ETV1: variants seen among roughly 807,000 people sequenced by gnomAD.
ETV1 encodes ETS variant transcription factor 1, also known as ETS translocation variant 1.
Under a neutral mutation model 62.3 loss-of-function variants are expected in ETV1, and 27 were observed. The ratio of observed to expected loss-of-function variants is 0.43; its 90% CI spans 0.32 to 0.60. The LOEUF is 0.60. ETV1 is among the 20% of genes least tolerant of loss of function. ETV1 has a pLI of 0.06. For missense variants in ETV1, 605 were observed against 605.8 expected, an observed-to-expected ratio of 1.00 and a Z score of 0.01; for synonymous variants, 222 against 199.6, an observed-to-expected ratio of 1.11 and a Z score of -0.94.
chr7:13,925,131 G>C (rs751420453), intron 9 of ETV1, among the ~76,000 whole-genome samples: 3 of 151,920 alleles, frequency 2.0e-5, no homozygotes, highest in Non-Finnish European at 4.4e-5. Context: ...TCTTATTTTA[G>C]CTATCTTCCT....
intron 6 of ETV1, among the ~76,000 whole-genome samples, chr7:13,967,677 C>G (rs1557945): frequency 0.77 from 117,533 of 151,986 alleles, 46,095 homozygotes; most frequent in African/African-American, 0.91. Context: ...ATCTTAAATA[C>G]ATGTTTATTA....
At chr7:13,960,908 T>A (rs921986784) in intron 6 of ETV1, among the ~76,000 whole-genome samples, 79 of 152,144 alleles carry the variant, frequency 5.2e-4, no homozygotes, top group Non-Finnish European at 9.3e-4. Context: ...GCCAACACTT[T>A]GTGAGGAAGG....
chr7:13,905,164 G>A (rs1239198308), intron 12 of ETV1, among the ~76,000 whole-genome samples: 1 of 151,826 alleles, frequency 6.6e-6, no homozygotes, highest in Non-Finnish European at 1.5e-5. Context: ...ATTTCAAGAA[G>A]TTATGTAAAC....
Position 13,984,138 on chromosome 7 carries a change from G to C in ETV1, c.181+2500C>G, listed in dbSNP as rs199863984. Reference sequence around the variant, plus strand: ...CTAACTTGACTCTTATGTCTAATAAGGTTTTTAGACCTGTTTAACTTCCCA... The same window carrying C: ...CTAACTTGACTCTTATGTCTAATAACGTTTTTAGACCTGTTTAACTTCCCA... On this transcript the variant is annotated intron_variant, in intron 5 of 13. Coordinates refer to ENST00000430479, the MANE Select transcript of ETV1 (RefSeq NM_004956.5). Among the ~76,000 whole-genome samples, 14 of 151,940 alleles carry C rather than the reference G, an allele frequency of 9.2e-5. No homozygotes were observed. In the East Asian group the frequency reaches 1.5e-3, roughly 17 times the overall value.
intron 9 of ETV1, among the ~76,000 whole-genome samples, chr7:13,911,515 G>A (rs1160563304): frequency 1.3e-5 from 2 of 152,176 alleles, no homozygotes; most frequent in Non-Finnish European, 2.9e-5. Flanking sequence ...TGATTCTCTT[G>A]AATAGGAAGG....
chr7:13,940,749 A>C (rs1475367339), intron 6 of ETV1, among the ~76,000 whole-genome samples: 3 of 152,238 alleles, frequency 2.0e-5, no homozygotes, highest in African/African-American at 7.2e-5. Context: ...AGAATTATAA[A>C]CTTGCATTAG....
upstream of ETV1, chr7:13,989,736 G>T (rs936143772): frequency 2.5e-6 from 1 of 397,302 alleles, no homozygotes; most frequent in Admixed American, 4.4e-5. Flanking sequence ...CTGATGGATC[G>T]CTGCCTCCCA....
chr7:13,941,699 C>CA (rs887726983), intron 6 of ETV1, among the ~76,000 whole-genome samples: 5 of 151,904 alleles, frequency 3.3e-5, no homozygotes, highest in Non-Finnish European at 1.5e-5. Context: ...GGTGAAACCC[C>CA]ATCTCCACTA....
At chr7:13,926,642 A>C (rs143392881) in intron 9 of ETV1, among the ~76,000 whole-genome samples, 23 of 152,332 alleles carry the variant, frequency 1.5e-4, no homozygotes, top group Non-Finnish European at 2.2e-4. Context: ...TTAGACAAAA[A>C]CAACCAACCA....
intron 9 of ETV1, among the ~76,000 whole-genome samples, chr7:13,922,159 T>A (rs1784913731): frequency 6.6e-6 from 1 of 152,112 alleles, no homozygotes; most frequent in Non-Finnish European, 1.5e-5. Flanking sequence ...ATAATTTGTT[T>A]AGGTGTTCAG....
intron 9 of ETV1, among the ~76,000 whole-genome samples, chr7:13,920,787 G>A (rs1460214852): frequency 6.6e-6 from 1 of 152,044 alleles, no homozygotes; most frequent in African/African-American, 2.4e-5. Flanking sequence ...TGATATAGTG[G>A]GCCAGAGTAC....
upstream of ETV1, chr7:13,990,814 C>G (rs2128519517): frequency 6.6e-6 from 1 of 152,252 alleles, no homozygotes; most frequent in Non-Finnish European, 1.5e-5. Context: ...TCATTTGTGA[C>G]CAGAACTAGT....
intron 10 of ETV1, chr7:13,910,489 A>AT: frequency 3.8e-6 from 2 of 531,460 alleles, no homozygotes; most frequent in Non-Finnish European, 4.8e-6. Context: ...AATTTCAAAT[A>AT]TTTTACATTT....
Position 13,931,491 on chromosome 7 carries a change from C to T in ETV1, c.802+11G>A, listed in dbSNP as rs561777193. ...TGCCTTGAATGTAATTTGCGCAGAG[C>T]GCAGGCCTACCTGAGTCATATGCAA... On this transcript the variant is annotated intron_variant, in intron 9 of 13. Transcript: ENST00000430479. 1.5e-4 allele frequency: 241 copies of T among 1,613,848 alleles called. 2 individuals carry two copies. The highest frequency in any genetic ancestry group is 9.2e-4 in the South Asian group (84 of 91,072).
At chr7:13,970,713 A>T (rs1780814755) in intron 6 of ETV1, among the ~76,000 whole-genome samples, 1 of 152,126 alleles carries the variant, frequency 6.6e-6, no homozygotes. Context: ...TAAAGTACTC[A>T]CTGTATGTGT....
intron 9 of ETV1, among the ~76,000 whole-genome samples, chr7:13,929,008 T>C (rs1233142348): frequency 6.6e-6 from 1 of 152,248 alleles, no homozygotes; most frequent in Non-Finnish European, 1.5e-5. Flanking sequence ...AGTGCTATGC[T>C]ATACATGTTC....
At chr7:13,912,251 G>A (rs1326579374) in intron 9 of ETV1, among the ~76,000 whole-genome samples, 2 of 152,088 alleles carry the variant, frequency 1.3e-5, no homozygotes, top group Non-Finnish European at 2.9e-5. Flanking sequence ...AGAAAAGGAG[G>A]GAGAAAGGAA....
chr7:13,941,792 C>A (rs368417079), intron 6 of ETV1, among the ~76,000 whole-genome samples: 1 of 151,414 alleles, frequency 6.6e-6, no homozygotes, highest in African/African-American at 2.4e-5. Context: ...ATCACTTGAA[C>A]CCGCGAAGCA....
Position 13,917,563 on chromosome 7 carries a change from C to T in ETV1, c.803-6256G>A, listed in dbSNP as rs529842761. ...GAACTCCTGACCTCAGGTGATCTGC[C>T]GTCTTGGCCTCCCAAAGTACTGGGG... On this transcript the variant is annotated intron_variant, in intron 9 of 13. Coordinates refer to ENST00000430479, the MANE Select transcript of ETV1 (RefSeq NM_004956.5). 1.2e-3 allele frequency among the ~76,000 whole-genome samples: 184 copies of T among 152,088 alleles called. 8 individuals carry two copies. In the South Asian group the frequency reaches 0.037, roughly 30 times the overall value.
Sources: allele counts gnomAD v4.1 joint callset (sites outside exome capture counted in the v4.1 genomes callset), GRCh38; gene constraint gnomAD v4.1.1; transcripts MANE v1.5; gene names NCBI Gene and HGNC (gene_info 2026-07-23, HGNC 2026-07-21).